PIEZO2: variants seen among roughly 807,000 people sequenced by gnomAD.
The protein encoded by PIEZO2 is piezo type mechanosensitive ion channel component 2.
A neutral mutation model predicts 337.3 loss-of-function variants in PIEZO2; 172 were observed. The ratio of observed to expected loss-of-function variants is 0.51; its 90% CI spans 0.45 to 0.58. The LOEUF (loss-of-function observed/expected upper bound fraction) is 0.58. PIEZO2 is among the 20% of genes least tolerant of loss of function. PIEZO2 has a pLI of 0.00. For missense variants in PIEZO2, 3,028 were observed against 3,391.3 expected (o/e 0.89, Z 2.66); for synonymous variants, 1,251 against 1,228.5 (o/e 1.02, Z -0.38).
At chr18:10,771,042 T>G (rs2038586258) in intron 20 of PIEZO2, among the ~76,000 whole-genome samples, 1 of 152,152 alleles carries the variant, frequency 6.6e-6, no homozygotes, top group Admixed American at 6.5e-5. Flanking sequence ...CCCCTTAATC[T>G]TATTTACTCT....
intron 4 of PIEZO2, among the ~76,000 whole-genome samples, chr18:10,901,481 G>C (rs1382635001): frequency 6.6e-6 from 1 of 151,958 alleles, no homozygotes; most frequent in Non-Finnish European, 1.5e-5. Flanking sequence ...CTAAGAGTAA[G>C]GGACAGTAGA....
intron 4 of PIEZO2, among the ~76,000 whole-genome samples, chr18:10,875,057 C>A (rs8096223): frequency 0.035 from 5,264 of 152,100 alleles, 297 homozygotes; most frequent in African/African-American, 0.12. Flanking sequence ...TGAATGTATC[C>A]AATATCACAT....
chr18:11,087,140 G>T (rs1459371861), intron 1 of PIEZO2, among the ~76,000 whole-genome samples: 1 of 152,166 alleles, frequency 6.6e-6, no homozygotes, highest in Non-Finnish European at 1.5e-5. Flanking sequence ...CACAGCAAGG[G>T]GGGCTGTCTA....
chr18:10,940,689 C>T lies in PIEZO2; in HGVS notation c.287-29461G>A, dbSNP rs547865499. ...CCATCCTAGCCAACATGGTGAAACC[C>T]TATCTCTACTAAAAAGACAAAAATT... On this transcript the variant is annotated intron_variant, in intron 3 of 55. Transcript: ENST00000674853. The surrounding 1 kb of genome is among the most constrained non-coding windows in gnomAD (Gnocchi z 5.3). Among the ~76,000 whole-genome samples the T allele has an allele frequency of 2.6e-4, 39 of 152,264 alleles. No individual in the cohort carries two copies. Among genetic ancestry groups the T allele is most frequent in the African/African-American group, 8.9e-4 (37 of 41,558 alleles).
intron 33 of PIEZO2, among the ~76,000 whole-genome samples, chr18:10,737,066 C>T (rs2037026637): frequency 1.3e-5 from 2 of 152,026 alleles, no homozygotes; most frequent in Non-Finnish European, 2.9e-5. Context: ...TAACTGAACA[C>T]TATCATTTCA....
At chr18:10,796,356 C>A (rs564392945) in intron 12 of PIEZO2, among the ~76,000 whole-genome samples, 5 of 129,998 alleles carry the variant, frequency 3.8e-5, no homozygotes, top group African/African-American at 1.5e-4. Flanking sequence ...GGCAACAGAG[C>A]AAGACTCCAT....
intron 2 of PIEZO2, among the ~76,000 whole-genome samples, chr18:11,043,655 C>T (rs187800502): frequency 6.6e-6 from 1 of 151,914 alleles, no homozygotes; most frequent in South Asian, 2.1e-4. Context: ...TCCATATTAT[C>T]CCTAAACACA....
intron 36 of PIEZO2, among the ~76,000 whole-genome samples, chr18:10,731,178 T>TAG (rs2036761175): frequency 5.2e-3 from 5 of 966 alleles, no homozygotes; most frequent in African/African-American, 0.013. Context: ...CTTAAAAGAT[T>TAG]ATATATATAT....
intron 7 of PIEZO2, among the ~76,000 whole-genome samples, chr18:10,845,973 A>G (rs906200042): frequency 1.2e-4 from 18 of 152,326 alleles, no homozygotes; most frequent in African/African-American, 4.3e-4. Context: ...TTCATATTCA[A>G]TAATCTGTGG....
chr18:10,878,251 T>C lies in PIEZO2; in HGVS notation c.330-6836A>G, dbSNP rs1172788000. ...CATCAGTAAAGGCTGGCTGGATGCA[T>C]GCTAGCTCCAGGACATATCGCTGCC... On this transcript the variant is annotated intron_variant, in intron 4 of 55. Transcript: ENST00000674853. This position sits in a 1 kb window ranked among gnomAD's most constrained non-coding sequence, Gnocchi z 4.3. 4.6e-5 allele frequency among the ~76,000 whole-genome samples: 7 copies of C among 152,264 alleles called. No homozygotes were observed. Among genetic ancestry groups the C allele is most frequent in the Non-Finnish European group, 1.5e-5 (1 of 68,050 alleles).
chr18:10,931,697 G>GGTGTGTGTGTGTGTGTGTGT (rs369138997), intron 3 of PIEZO2, among the ~76,000 whole-genome samples: 1 of 143,438 alleles, frequency 7.0e-6, no homozygotes, highest in African/African-American at 2.5e-5. Context: ...TTCTCTGTGT[G>GGTGTGTGTGTGTGTGTGTGT]GTGTGTGTGT....
rs112699143 is a variant in PIEZO2 at position 10,874,357 on chromosome 18, G to C, written c.330-2942C>G. ...GGAGAAAGGGGAACCCCTGTATACT[G>C]TTGGTGGAAATGTATAATAGTGTAG... On this transcript the variant is annotated intron_variant, in intron 4 of 55. Transcript: ENST00000674853. 5.5e-3 allele frequency among the ~76,000 whole-genome samples: 841 copies of C among 152,270 alleles called. 9 individuals are homozygous for C. Among genetic ancestry groups the C allele is most frequent in the African/African-American group, 0.019 (809 of 41,564 alleles).
chr18:10,731,371 G>A (rs1313850924), intron 36 of PIEZO2, 36 bp downstream of exon 36: 6 of 1,447,386 alleles, frequency 4.1e-6, no homozygotes, highest in Non-Finnish European at 5.6e-6. Context: ...CCTGAAACCT[G>A]CCACACCCAC....
intron 43 of PIEZO2, among the ~76,000 whole-genome samples, chr18:10,700,594 C>T (rs2035290047): frequency 1.3e-5 from 2 of 151,542 alleles, no homozygotes; most frequent in South Asian, 4.2e-4. Flanking sequence ...AGTAAAAGTG[C>T]CTAAAGAGTT....
chr18:11,033,555 CAT>C lies in PIEZO2; in HGVS notation c.160+32570_160+32571del, dbSNP rs1426216269. Among the ~76,000 whole-genome samples the C allele has an allele frequency of 2.0e-5, 3 of 152,200 alleles. No individual in the cohort carries two copies. Among genetic ancestry groups the C allele is most frequent in the Admixed American group, 1.3e-4 (2 of 15,288 alleles). On this transcript the variant is annotated intron_variant, in intron 2 of 55. Transcript: ENST00000674853. The surrounding 1 kb of genome is among the most constrained non-coding windows in gnomAD (Gnocchi z 4.2). ...CACTTAAGGAACGCATTCCATGACACATGTTTGACTCCTGGAAAACTTCTCTG... is the reference window on the plus strand; with the variant it reads ...CACTTAAGGAACGCATTCCATGACACGTTTGACTCCTGGAAAACTTCTCTG...
chr18:11,022,955 G>A (rs1423621626), intron 2 of PIEZO2, among the ~76,000 whole-genome samples: 1 of 152,062 alleles, frequency 6.6e-6, no homozygotes, highest in East Asian at 1.9e-4. Context: ...GAGTGAAGCT[G>A]CGCACCTTCG....
At position 10,846,046 on chromosome 18, in the gene PIEZO2, T is replaced by C. The variant is rs1475842974; in HGVS notation, c.917+9307A>G. ...GATTGATGATGACCTTTCTGGAAAA[T>C]AATTTCCCCACACATCTTATAGCCA... On this transcript the variant is annotated intron_variant, in intron 7 of 55. Transcript: ENST00000674853. This position sits in a 1 kb window ranked among gnomAD's most constrained non-coding sequence, Gnocchi z 4.1. 1.3e-5 allele frequency among the ~76,000 whole-genome samples: 2 copies of C among 152,128 alleles called. No individual in the cohort carries two copies. The highest frequency in any genetic ancestry group is 2.4e-5 in the African/African-American group (1 of 41,430).
chr18:10,927,658 C>CTA (rs149506513), intron 3 of PIEZO2, among the ~76,000 whole-genome samples: 57 of 151,806 alleles, frequency 3.8e-4, no homozygotes, highest in African/African-American at 1.1e-3. Context: ...TTTAAAAAGT[C>CTA]TATATATATA....
chr18:10,970,990 C>T (rs970252212), intron 3 of PIEZO2, among the ~76,000 whole-genome samples: 1 of 152,082 alleles, frequency 6.6e-6, no homozygotes, highest in Non-Finnish European at 1.5e-5. Context: ...CAATTTCCAC[C>T]GATGGGAAGG....
Sources: gnomAD v4.1 joint callset for allele counts (sites outside exome capture counted in the v4.1 genomes callset) on GRCh38, gnomAD v4.1.1 for gene constraint, Gnocchi (gnomAD v3.1) non-coding constraint, MANE v1.5 for transcripts, NCBI Gene and HGNC (gene_info 2026-07-23, HGNC 2026-07-21) for gene names.